The following CDS1 variants were observed in gnomAD, a reference collection of about 807,000 sequenced individuals.
CDS1 encodes phosphatidate cytidylyltransferase 1.
A neutral mutation model predicts 62.1 loss-of-function variants in CDS1; 41 were observed. The observed-to-expected ratio is 0.66, with a 90% CI of 0.51 to 0.86. The LOEUF (loss-of-function observed/expected upper bound fraction) is 0.86. Among genes scored for constraint, CDS1 ranks in the 40% least tolerant of loss-of-function variants. CDS1 has a pLI of 0.00. For missense variants in CDS1, 470 were observed against 550.1 expected, an observed-to-expected ratio of 0.85 and a Z score of 1.46; for synonymous variants, 185 against 192.6, an observed-to-expected ratio of 0.96 and a Z score of 0.32.
At chr4:84,631,775 G>T in intron 5 of CDS1, 44 bp from the exon 6 acceptor site, 2 of 1,538,778 alleles carry the variant, frequency 1.3e-6, no homozygotes, top group East Asian at 4.5e-5. Flanking sequence ...TTAACCCTTT[G>T]TACCAAATTG....
At chr4:84,642,967 C>G in intron 10 of CDS1, 57 bp from the exon 11 acceptor site, 2 of 1,543,090 alleles carry the variant, frequency 1.3e-6, no homozygotes, top group Admixed American at 3.4e-5. Flanking sequence ...AGGTGGTATG[C>G]TCAAATACAA....
At chr4:84,626,171 A>AC (rs1723853795) in intron 5 of CDS1, among the ~76,000 whole-genome samples, 1 of 152,176 alleles carries the variant, frequency 6.6e-6, no homozygotes, top group South Asian at 2.1e-4. Context: ...CCATTTCAAA[A>AC]AAAACAAACA....
Position 84,583,223 on chromosome 4 carries a change from C to T in CDS1, c.-179C>T. ...GCCTCGAGCGCTCTCTCGTTGATGCCGTTTTGGAGGTGACCGGCGCGGCGG... is the reference window on the plus strand; with the variant it reads ...GCCTCGAGCGCTCTCTCGTTGATGCTGTTTTGGAGGTGACCGGCGCGGCGG... On this transcript the variant is annotated 5_prime_UTR_variant, in exon 1 of 13. Coordinates refer to ENST00000295887, the MANE Select transcript of CDS1 (RefSeq NM_001263.4). 2 of 520,980 alleles carry T rather than the reference C, an allele frequency of 3.8e-6. No individual in the cohort carries two copies. The highest frequency in any genetic ancestry group is 5.0e-5 in the South Asian group (2 of 40,180). 32.3% of individuals were successfully genotyped at this position (520,980 alleles called of 1,614,324 possible). A position where few individuals can be genotyped will look rare whatever the true frequency, so the allele number is the denominator to read the frequency against.
chr4:84,619,749 C>T (rs1723617104), intron 5 of CDS1, among the ~76,000 whole-genome samples: 1 of 151,916 alleles, frequency 6.6e-6, no homozygotes, highest in East Asian at 1.9e-4. Context: ...AGAATCACTC[C>T]AGGCCGGGTG....
intron 5 of CDS1, among the ~76,000 whole-genome samples, chr4:84,628,730 C>G: frequency 6.6e-6 from 1 of 152,116 alleles, no homozygotes; most frequent in South Asian, 2.1e-4. Context: ...AGACAGGATC[C>G]TGCTGTGTTG....
intron 1 of CDS1, among the ~76,000 whole-genome samples, chr4:84,600,220 T>A (rs922554067): frequency 7.9e-5 from 12 of 152,222 alleles, no homozygotes; most frequent in Non-Finnish European, 1.3e-4. Flanking sequence ...ATTTATTGTT[T>A]CCTTGTCGAA....
At chr4:84,587,130 A>G (rs1366827180) in intron 1 of CDS1, among the ~76,000 whole-genome samples, 1 of 152,196 alleles carries the variant, frequency 6.6e-6, no homozygotes, top group African/African-American at 2.4e-5. Context: ...GGATGCCTTC[A>G]GTTAGTAAAG....
intron 5 of CDS1, among the ~76,000 whole-genome samples, chr4:84,627,371 TAGC>T (rs1723893416): frequency 6.6e-6 from 1 of 152,206 alleles, no homozygotes; most frequent in Non-Finnish European, 1.5e-5. Context: ...GTTTGACTGA[TAGC>T]AGAGAAAATC....
At chr4:84,599,456 A>C (rs1396704738) in intron 1 of CDS1, among the ~76,000 whole-genome samples, 2 of 140,484 alleles carry the variant, frequency 1.4e-5, no homozygotes, top group South Asian at 4.5e-4. Flanking sequence ...ATATATGCCT[A>C]TGAAGCCATC....
chr4:84,619,647 T>G (rs972424790), intron 5 of CDS1, 114 bp downstream of exon 5: 3 of 597,334 alleles, frequency 5.0e-6, no homozygotes, highest in Non-Finnish European at 8.1e-6. Context: ...CAGCCTCTCT[T>G]TTTCATTGTT....
Position 84,604,494 on chromosome 4 carries a change from C to T in CDS1, c.245+124C>T, listed in dbSNP as rs1723032546. On this transcript the variant is annotated intron_variant, in intron 2 of 12. Transcript: ENST00000295887. ...CCATGGTATTAGGTGGTCAAAAAGG[C>T]CACCTAATATCCGAGGTATAGTTCT... The T allele has an allele frequency of 1.4e-5, 11 of 799,486 alleles. No individual in the cohort carries two copies. In the South Asian group the frequency reaches 1.8e-4, roughly 13 times the overall value. 49.5% of individuals were successfully genotyped at this position (799,486 alleles called of 1,614,324 possible).
intron 1 of CDS1, among the ~76,000 whole-genome samples, chr4:84,594,842 G>A (rs752634464): frequency 2.6e-5 from 4 of 151,928 alleles, no homozygotes; most frequent in African/African-American, 4.8e-5. Flanking sequence ...TCAGCCTCCC[G>A]AGTTCCTGGG....
chr4:84,634,361 T>C (rs1439219383), intron 7 of CDS1, among the ~76,000 whole-genome samples: 2 of 152,232 alleles, frequency 1.3e-5, no homozygotes, highest in African/African-American at 2.4e-5. Context: ...GGGTAGGTTT[T>C]CTACTTTGCT....
intron 5 of CDS1, among the ~76,000 whole-genome samples, chr4:84,626,121 C>A (rs1221392266): frequency 3.9e-5 from 6 of 152,054 alleles, no homozygotes; most frequent in Non-Finnish European, 8.8e-5. Flanking sequence ...GAGCCGAGAT[C>A]ATGCCATTCC....
intron 5 of CDS1, among the ~76,000 whole-genome samples, chr4:84,619,823 G>A (rs1471098308): frequency 1.3e-5 from 2 of 151,692 alleles, no homozygotes; most frequent in Non-Finnish European, 2.9e-5. Flanking sequence ...ATCTGAAGTC[G>A]GGAGTTTGAG....
intron 3 of CDS1, among the ~76,000 whole-genome samples, chr4:84,615,474 C>T (rs1215718730): frequency 2.0e-5 from 3 of 152,072 alleles, no homozygotes; most frequent in Non-Finnish European, 2.9e-5. Flanking sequence ...TTACCCCCAC[C>T]TTTGTCTTCC....
At chr4:84,601,405 G>A (rs974800535) in intron 1 of CDS1, among the ~76,000 whole-genome samples, 2 of 152,136 alleles carry the variant, frequency 1.3e-5, no homozygotes, top group Non-Finnish European at 1.5e-5. Flanking sequence ...CATTGCTTCT[G>A]TTGAATTTCA....
intron 3 of CDS1, 56 bp from the exon 4 acceptor site, chr4:84,617,508 T>C (rs1413732424): frequency 1.1e-6 from 1 of 890,456 alleles, no homozygotes; most frequent in Non-Finnish European, 1.9e-6. Context: ...TATTGAATGA[T>C]TAAGCACAAA....
At chr4:84,623,169 G>C (rs1723742886) in intron 5 of CDS1, among the ~76,000 whole-genome samples, 1 of 152,146 alleles carries the variant, frequency 6.6e-6, no homozygotes, top group African/African-American at 2.4e-5. Context: ...TGGGCCCACT[G>C]CTGAGCTGTC....
Sources: gnomAD v4.1 joint callset for allele counts (sites outside exome capture counted in the v4.1 genomes callset) on GRCh38, gnomAD v4.1.1 for gene constraint, MANE v1.5 for transcripts, NCBI Gene and HGNC (gene_info 2026-07-23, HGNC 2026-07-21) for gene names.